The following MAPRE2 variants were observed in gnomAD, a reference collection of about 807,000 sequenced individuals.
The protein encoded by MAPRE2 is microtubule associated protein RP/EB family member 2.
A neutral mutation model predicts 43.2 loss-of-function variants in MAPRE2; 13 were observed. The observed-to-expected ratio is 0.30, with a 90% confidence interval of 0.20 to 0.48. MAPRE2 has a LOEUF of 0.48. Among genes scored for constraint, MAPRE2 ranks in the 20% least tolerant of loss-of-function variants. The pLI is 0.99. For synonymous variants in MAPRE2, 135 were observed against 148.8 expected (o/e 0.91, Z 0.68); for missense variants, 161 against 400.2 (o/e 0.40, Z 5.10).
chr18:35,094,782 G>A (rs928646184), intron 2 of MAPRE2, among the ~76,000 whole-genome samples: 3 of 152,188 alleles, frequency 2.0e-5, no homozygotes, highest in African/African-American at 7.2e-5. Context: ...ATGGCACTGT[G>A]CTGCTTTTGC....
At chr18:34,989,467 TG>T (rs2097022647) in intron 1 of MAPRE2, among the ~76,000 whole-genome samples, 1 of 152,188 alleles carries the variant, frequency 6.6e-6, no homozygotes, top group African/African-American at 2.4e-5. Context: ...GCCAGCATTT[TG>T]GGAGGCTCAG....
intron 2 of MAPRE2, among the ~76,000 whole-genome samples, chr18:35,095,545 T>A (rs527401435): frequency 6.8e-6 from 1 of 147,238 alleles, no homozygotes; most frequent in African/African-American, 2.6e-5. Flanking sequence ...TTTCAAAAGC[T>A]GTTATTTCTT....
intron 1 of MAPRE2, among the ~76,000 whole-genome samples, chr18:34,993,255 CTTT>C (rs760356794): frequency 4.6e-5 from 6 of 130,048 alleles, no homozygotes; most frequent in Admixed American, 2.3e-4. Flanking sequence ...CCATTCCCGC[CTTT>C]TTTTTTTTTT....
chr18:35,121,530 G>C (rs1314224451), intron 4 of MAPRE2, among the ~76,000 whole-genome samples: 3 of 151,956 alleles, frequency 2.0e-5, no homozygotes, highest in East Asian at 3.9e-4. Flanking sequence ...AAAAGCTTGA[G>C]GGCAAAATGG....
chr18:35,048,589 G>A (rs1490558376), intron 1 of MAPRE2, among the ~76,000 whole-genome samples: 1 of 148,874 alleles, frequency 6.7e-6, no homozygotes, highest in African/African-American at 2.5e-5. Flanking sequence ...TTATATATGT[G>A]TGTATGTATA....
intron 5 of MAPRE2, among the ~76,000 whole-genome samples, chr18:35,129,326 A>T (rs892433611): frequency 2.0e-5 from 3 of 152,198 alleles, no homozygotes; most frequent in African/African-American, 7.2e-5. Context: ...CACAGGCATC[A>T]TGGTGTTGGA....
At chr18:35,037,970 C>T (rs1430740610), upstream of MAPRE2, among the ~76,000 whole-genome samples, 1 of 152,184 alleles carries the variant, frequency 6.6e-6, no homozygotes, top group African/African-American at 2.4e-5. Flanking sequence ...TCTGAGTCTG[C>T]TGAGGAGTCA....
At chr18:34,995,740 G>T (rs1229818448) in intron 1 of MAPRE2, among the ~76,000 whole-genome samples, 3 of 152,170 alleles carry the variant, frequency 2.0e-5, no homozygotes, top group African/African-American at 7.2e-5. Flanking sequence ...TGGTAGTAAG[G>T]TCTAAGCTAT....
At chr18:35,003,071 C>T (rs1415519943) in intron 1 of MAPRE2, among the ~76,000 whole-genome samples, 7 of 152,088 alleles carry the variant, frequency 4.6e-5, no homozygotes, top group African/African-American at 1.7e-4. Context: ...TTCGTTTTTA[C>T]GTAAAGTGTG....
At chr18:34,980,023 CTTTTTTTCTTTTTTTTTT>C (rs71893188) in intron 1 of MAPRE2, among the ~76,000 whole-genome samples, 75,004 of 132,262 alleles carry the variant, frequency 0.57, 20,504 homozygotes, top group Non-Finnish European at 0.64. Flanking sequence ...TTTTCTTTTT[CTTTTTTTCTTTTTTTTTT>C]TTTTTTTTTT....
intron 2 of MAPRE2, among the ~76,000 whole-genome samples, chr18:35,093,522 C>T (rs1908259100): frequency 6.6e-6 from 1 of 152,100 alleles, no homozygotes; most frequent in South Asian, 2.1e-4. Context: ...CCTTAGTGTC[C>T]ATCAGTGTGA....
chr18:34,978,685 T>A, intron 1 of MAPRE2: 1 of 771,586 alleles, frequency 1.3e-6, no homozygotes, highest in Non-Finnish European at 2.2e-6. Context: ...GCTTTCGTTC[T>A]TTTCTGCCAA....
At chr18:34,998,037 C>T (rs922562188) in intron 1 of MAPRE2, among the ~76,000 whole-genome samples, 5 of 152,136 alleles carry the variant, frequency 3.3e-5, no homozygotes, top group African/African-American at 9.7e-5. Context: ...ATTGGGGTAT[C>T]GGCTCCACAA....
intron 6 of MAPRE2, among the ~76,000 whole-genome samples, chr18:35,135,843 G>C (rs1014553397): frequency 6.6e-6 from 1 of 152,246 alleles, no homozygotes; most frequent in Non-Finnish European, 1.5e-5. Flanking sequence ...ACAGAGCTGA[G>C]ATGGCACAGA....
At chr18:35,061,604 A>G (rs779763615) in intron 1 of MAPRE2, among the ~76,000 whole-genome samples, 33 of 152,312 alleles carry the variant, frequency 2.2e-4, no homozygotes, top group Admixed American at 4.6e-4. Context: ...TATGTGTGCT[A>G]TTACCTGGAG....
chr18:35,050,603 T>G (rs531896322), intron 1 of MAPRE2, among the ~76,000 whole-genome samples: 1 of 152,314 alleles, frequency 6.6e-6, no homozygotes, highest in Admixed American at 6.5e-5. Context: ...AATATCCTCT[T>G]TGCATTTTTG....
intron 1 of MAPRE2, among the ~76,000 whole-genome samples, chr18:35,042,849 G>A (rs1231640122): frequency 1.3e-5 from 2 of 151,814 alleles, no homozygotes. Flanking sequence ...TGTAAATGTT[G>A]CATATCACAA....
chr18:35,091,492 G>A (rs1176506545), intron 2 of MAPRE2, among the ~76,000 whole-genome samples: 1 of 149,964 alleles, frequency 6.7e-6, no homozygotes, highest in East Asian at 1.9e-4. Context: ...ACTACCCAAA[G>A]CCATCTATAG....
At chr18:35,078,568 C>A (rs1191311946) in intron 2 of MAPRE2, among the ~76,000 whole-genome samples, 1 of 152,124 alleles carries the variant, frequency 6.6e-6, no homozygotes, top group African/African-American at 2.4e-5. Flanking sequence ...ATGTTCACAG[C>A]TGATAATGAG....
Sources: gnomAD v4.1 joint callset for allele counts (sites outside exome capture counted in the v4.1 genomes callset) on GRCh38, gnomAD v4.1.1 for gene constraint, MANE v1.5 for transcripts, NCBI Gene and HGNC (gene_info 2026-07-23, HGNC 2026-07-21) for gene names.